The following PCDHGA11 variants were observed in gnomAD, a reference collection of about 807,000 sequenced individuals.
PCDHGA11 encodes protocadherin gamma-A11.
Under a neutral mutation model 60.4 loss-of-function variants are expected in PCDHGA11, and 39 were observed. That is an observed-to-expected ratio of 0.65 (90% CI 0.50 to 0.84). PCDHGA11 has a LOEUF of 0.84. PCDHGA11 is among the 40% of genes least tolerant of loss of function. PCDHGA11 has a pLI of 0.00. For missense variants in PCDHGA11, 1,165 were observed against 1,197.7 expected (o/e 0.97, Z 0.40); for synonymous variants, 533 against 510.3 (o/e 1.04, Z -0.60).
intron 1 of PCDHGA11, chr5:141,440,130 A>G (rs1222064545): frequency 6.6e-6 from 1 of 152,282 alleles, no homozygotes; most frequent in African/African-American, 2.4e-5. Context: ...TGAATGGATC[A>G]GGAGCAGATA....
At chr5:141,495,073 C>T (rs1464039604) in intron 2 of PCDHGA11, among the ~76,000 whole-genome samples, 1 of 152,186 alleles carries the variant, frequency 6.6e-6, no homozygotes, top group Non-Finnish European at 1.5e-5. Flanking sequence ...GCTCAATTCA[C>T]ATGCTTGCCC....
intron 1 of PCDHGA11, among the ~76,000 whole-genome samples, chr5:141,481,400 T>C (rs2154578591): frequency 6.6e-6 from 1 of 152,358 alleles, no homozygotes; most frequent in East Asian, 1.9e-4. Context: ...GTGACAAAAT[T>C]CTTGTATAAT....
intron 1 of PCDHGA11, chr5:141,478,786 C>T: frequency 6.8e-7 from 1 of 1,480,998 alleles, no homozygotes; most frequent in Non-Finnish European, 9.0e-7. Context: ...ACCTAATTCA[C>T]ATCCTCAGCA....
intron 1 of PCDHGA11, among the ~76,000 whole-genome samples, chr5:141,446,536 GC>G (rs1043723006): frequency 2.0e-5 from 3 of 152,012 alleles, no homozygotes; most frequent in African/African-American, 7.2e-5. Context: ...GAGTGCAGTG[GC>G]CCTATCTCTG....
Position 141,477,068 on chromosome 5 carries a change from C to G in PCDHGA11, c.2434-17739C>G. The G allele has an allele frequency of 6.2e-7, 1 of 1,614,268 alleles. No individual in the cohort carries two copies. Among genetic ancestry groups the G allele is most frequent in the Non-Finnish European group, 8.5e-7 (1 of 1,180,046 alleles). On this transcript the variant is annotated intron_variant, in intron 1 of 3. Coordinates refer to ENST00000398587, the MANE Select transcript of PCDHGA11 (RefSeq NM_018914.3). This position sits in a 1 kb window ranked among gnomAD's most constrained non-coding sequence, Gnocchi z 4.9. ...GCTGGACTTCGAGGACACCAAACTC[C>G]ATGAGATTTACATCCAGGCCAAAGA...
chr5:141,427,807 A>T (rs1443881781), intron 1 of PCDHGA11: 2 of 1,521,932 alleles, frequency 1.3e-6, no homozygotes, highest in East Asian at 2.3e-5. Flanking sequence ...GTGAGCGCAC[A>T]GAGCGGGGTG....
Position 141,478,316 on chromosome 5 carries a change from C to T in PCDHGA11, c.2434-16491C>T, listed in dbSNP as rs776948755. ...CCTATACCGAGCCCCGGTGAGCTCA[C>T]TGTACCGAACACCAGGGCCCTCCTT... On this transcript the variant is annotated intron_variant, in intron 1 of 3. Coordinates refer to ENST00000398587, the MANE Select transcript of PCDHGA11 (RefSeq NM_018914.3). 120 of 1,613,924 alleles carry T rather than the reference C, an allele frequency of 7.4e-5. 2 individuals carry two copies. In the South Asian group the frequency reaches 1.3e-3, roughly 18 times the overall value.
intron 3 of PCDHGA11, 125 bp downstream of exon 3, chr5:141,505,606 C>G: frequency 6.5e-7 from 1 of 1,528,642 alleles, no homozygotes; most frequent in Non-Finnish European, 8.8e-7. Flanking sequence ...TTCGGCAGGT[C>G]TGAAAGGACC....
At chr5:141,462,039 T>A (rs569871892) in intron 1 of PCDHGA11, among the ~76,000 whole-genome samples, 1 of 152,276 alleles carries the variant, frequency 6.6e-6, no homozygotes, top group Non-Finnish European at 1.5e-5. Flanking sequence ...GTCAGGCGGG[T>A]CTTGAACTCC....
chr5:141,491,022 C>T lies in PCDHGA11; in HGVS notation c.2434-3785C>T, dbSNP rs1431293281. 6.8e-6 allele frequency: 11 copies of T among 1,614,116 alleles called. No homozygotes were observed. Among genetic ancestry groups the T allele is most frequent in the East Asian group, 2.2e-5 (1 of 44,886 alleles). On this transcript the variant is annotated intron_variant, in intron 1 of 3. Coordinates refer to ENST00000398587, the MANE Select transcript of PCDHGA11 (RefSeq NM_018914.3). The surrounding 1 kb of genome is among the most constrained non-coding windows in gnomAD (Gnocchi z 6.9). ...GCTCCTTGGTCACCAAGGTGACAGCCGTGGATGCTGATGCAGGCCACAATG... is the reference window on the plus strand; with the variant it reads ...GCTCCTTGGTCACCAAGGTGACAGCTGTGGATGCTGATGCAGGCCACAATG...
At position 141,421,126 on chromosome 5, in the gene PCDHGA11, T is replaced by G; in HGVS notation, c.-102T>G. The G allele has an allele frequency of 1.2e-6, 1 of 805,588 alleles. No homozygotes were observed. Among genetic ancestry groups the G allele is most frequent in the Non-Finnish European group, 1.9e-6 (1 of 526,148 alleles). 49.9% of individuals were successfully genotyped at this position (805,588 alleles called of 1,614,324 possible). A position where few individuals can be genotyped will look rare whatever the true frequency, so the allele number is the denominator to read the frequency against. The stretch of plus-strand genomic sequence containing the variant: ...CTTAGAAGTATTTTCCTTCGCTTTC[T>G]GATATATTTTGGATGTAGTCGGCCT... On this transcript the variant is annotated 5_prime_UTR_variant, in exon 1 of 4. It removes the in-frame stop codon of an upstream open reading frame in the 5' UTR. Coordinates refer to ENST00000398587, the MANE Select transcript of PCDHGA11 (RefSeq NM_018914.3).
At position 141,431,566 on chromosome 5, in the gene PCDHGA11, T is replaced by G; in HGVS notation, c.2433+7906T>G. ...TGCTTGTAGTCAACGCTACCGACCCTGACGAAGGAGTCAATGCGGAAGTGA... is the reference window on the plus strand; with the variant it reads ...TGCTTGTAGTCAACGCTACCGACCCGGACGAAGGAGTCAATGCGGAAGTGA... On this transcript the variant is annotated intron_variant, in intron 1 of 3. Transcript: ENST00000398587. This position sits in a 1 kb window ranked among gnomAD's most constrained non-coding sequence, Gnocchi z 4.8. 6.2e-7 allele frequency: 1 copy of G among 1,614,128 alleles called. No homozygotes were observed. The highest frequency in any genetic ancestry group is 1.1e-5 in the South Asian group (1 of 91,088).
Position 141,422,144 on chromosome 5 carries a change from G to T in PCDHGA11, c.917G>T (p.Gly306Val). 6.3e-7 allele frequency: 1 copy of T among 1,583,520 alleles called. No individual in the cohort carries two copies. Among genetic ancestry groups the T allele is most frequent in the Non-Finnish European group, 8.5e-7 (1 of 1,169,640 alleles). ...DSQTGEVQVRGSLDFEKYRFY... is the reference protein window; with the variant it reads ...DSQTGEVQVRVSLDFEKYRFY... Reference sequence around the variant, plus strand: ...CAAACTGGAGAAGTTCAAGTACGGGGGTCTCTGGATTTTGAAAAATATAGA... The same window carrying T: ...CAAACTGGAGAAGTTCAAGTACGGGTGTCTCTGGATTTTGAAAAATATAGA... The change falls in exon 1 of 4, where the codon GGG becomes GTG. Residue 306 changes from glycine to valine, a missense_variant. Transcript: ENST00000398587.
intron 3 of PCDHGA11, among the ~76,000 whole-genome samples, chr5:141,507,805 G>C (rs2099863746): frequency 6.6e-6 from 1 of 152,204 alleles, no homozygotes; most frequent in Non-Finnish European, 1.5e-5. Flanking sequence ...TGCGCCCTGG[G>C]GAACGGACCC....
In PCDHGA11 at chr5:141,431,150, C is replaced by A. The variant is rs1007532359; in HGVS notation, c.2433+7490C>A. On this transcript the variant is annotated intron_variant, in intron 1 of 3. Transcript: ENST00000398587. The surrounding 1 kb of genome is among the most constrained non-coding windows in gnomAD (Gnocchi z 4.8). ...AGTAAGGGACATTAACGACAATGCGCCTTACTTTCGTGAAAGTGAATTAGA... is the reference window on the plus strand; with the variant it reads ...AGTAAGGGACATTAACGACAATGCGACTTACTTTCGTGAAAGTGAATTAGA... The A allele has an allele frequency of 1.2e-6, 2 of 1,614,226 alleles. No individual in the cohort carries two copies. The highest frequency in any genetic ancestry group is 1.7e-6 in the Non-Finnish European group (2 of 1,180,030).
chr5:141,457,386 A>G lies in PCDHGA11; in HGVS notation c.2433+33726A>G, dbSNP rs1303460358. Reference sequence around the variant, plus strand: ...TGCAAAATAATTGCCCAGAACTAGCATATTGATTCACATTTTCACATTACC... The same window carrying G: ...TGCAAAATAATTGCCCAGAACTAGCGTATTGATTCACATTTTCACATTACC... On this transcript the variant is annotated intron_variant, in intron 1 of 3. Transcript: ENST00000398587. Among the ~76,000 whole-genome samples the G allele has an allele frequency of 5.3e-5, 8 of 152,210 alleles. No homozygotes were observed. The East Asian group carries it at 1.3e-3, about 26-fold the overall frequency.
chr5:141,451,789 G>A (rs2098724524), intron 1 of PCDHGA11, among the ~76,000 whole-genome samples: 1 of 152,074 alleles, frequency 6.6e-6, no homozygotes, highest in South Asian at 2.1e-4. Flanking sequence ...GCTGAGGCCA[G>A]AGAATTGCTT....
At chr5:141,458,345 G>A (rs1161535708) in intron 1 of PCDHGA11, among the ~76,000 whole-genome samples, 2 of 152,112 alleles carry the variant, frequency 1.3e-5, no homozygotes, top group Non-Finnish European at 2.9e-5. Context: ...GGAGTGGAGA[G>A]TTTAATAAGC....
intron 1 of PCDHGA11, chr5:141,471,645 T>G (rs891817778): frequency 1.3e-5 from 2 of 152,178 alleles, no homozygotes; most frequent in Non-Finnish European, 2.9e-5. Context: ...AGTAATATAC[T>G]GGATGTGGGG....
Sources: allele counts gnomAD v4.1 joint callset (sites outside exome capture counted in the v4.1 genomes callset), GRCh38; gene constraint gnomAD v4.1.1; non-coding constraint Gnocchi (gnomAD v3.1); transcripts MANE v1.5; gene names NCBI Gene and HGNC (gene_info 2026-07-23, HGNC 2026-07-21).